Variants in RERE observed in about 807,000 individuals in gnomAD.
The protein encoded by RERE is arginine-glutamic acid dipeptide repeats.
A neutral mutation model predicts 146.1 loss-of-function variants in RERE; 40 were observed. The ratio of observed to expected loss-of-function variants is 0.27; its 90% CI spans 0.21 to 0.36. The LOEUF is 0.36. Ranked by LOEUF, RERE falls within the 10% of genes least tolerant of loss-of-function variation. RERE has a pLI of 1.00. For missense variants in RERE, 1,933 were observed against 2,138.7 expected, an observed-to-expected ratio of 0.90 and a Z score of 1.90; for synonymous variants, 1,003 against 866.0, an observed-to-expected ratio of 1.16 and a Z score of -2.78.
In RERE at chr1:8,731,710, G is replaced by A. The variant is rs984125530; in HGVS notation, c.-144-75269C>T. Among the ~76,000 whole-genome samples the A allele has an allele frequency of 3.3e-5, 5 of 152,254 alleles. No individual in the cohort carries two copies. The East Asian group carries it at 7.7e-4, about 23-fold the overall frequency. ...AAAAAACAAGAAAACTACAGGAAAC[G>A]GAAGCATCTAACCCACAGCAAACAT... is the stretch of plus-strand genomic sequence containing the variant. On this transcript the variant is annotated intron_variant, in intron 1 of 22. Coordinates refer to ENST00000400908, the MANE Select transcript of RERE (RefSeq NM_001042681.2).
chr1:8,756,568 A>C (rs1640642655), intron 1 of RERE, among the ~76,000 whole-genome samples: 1 of 152,218 alleles, frequency 6.6e-6, no homozygotes, highest in South Asian at 2.1e-4. Context: ...CATAAAAAAA[A>C]AGTTATTAAA....
At chr1:8,636,901 G>A (rs770457118) in intron 2 of RERE, among the ~76,000 whole-genome samples, 7 of 150,814 alleles carry the variant, frequency 4.6e-5, no homozygotes, top group Admixed American at 2.0e-4. Context: ...GAACCAAGCC[G>A]AGAATCCACA....
chr1:8,399,730 T>C (rs1477611708), intron 12 of RERE, among the ~76,000 whole-genome samples: 1 of 152,168 alleles, frequency 6.6e-6, no homozygotes, highest in Non-Finnish European at 1.5e-5. Flanking sequence ...ACTTTTTCCA[T>C]TAACATCGGC....
chr1:8,357,709 G>A (rs955224767), intron 20 of RERE, among the ~76,000 whole-genome samples: 10 of 152,244 alleles, frequency 6.6e-5, no homozygotes, highest in Non-Finnish European at 4.4e-5. Context: ...ACAGGACTGA[G>A]CAGCCCTGGC....
intron 1 of RERE, among the ~76,000 whole-genome samples, chr1:8,725,674 C>A (rs1186408732): frequency 1.3e-5 from 2 of 152,142 alleles, no homozygotes; most frequent in African/African-American, 4.8e-5. Context: ...AAGCCTAAGA[C>A]CCTAAGAAGC....
At chr1:8,553,657 C>A (rs1645967475) in intron 6 of RERE, among the ~76,000 whole-genome samples, 1 of 152,006 alleles carries the variant, frequency 6.6e-6, no homozygotes, top group Admixed American at 6.5e-5. Flanking sequence ...TTAAAGAAAA[C>A]ACCACAGGAG....
intron 8 of RERE, among the ~76,000 whole-genome samples, chr1:8,501,606 G>GA (rs1645158742): frequency 7.4e-6 from 1 of 135,964 alleles, no homozygotes; most frequent in Non-Finnish European, 1.6e-5. Context: ...GCCCCGTCCG[G>GA]GAGGGAGGTG....
chr1:8,758,414 CG>C (rs1640688729), intron 1 of RERE, among the ~76,000 whole-genome samples: 1 of 139,068 alleles, frequency 7.2e-6, no homozygotes, highest in East Asian at 2.1e-4. Context: ...TTTAAAGAAA[CG>C]GGGTTTCACT....
chr1:8,574,284 T>C (rs1646260625), intron 4 of RERE, among the ~76,000 whole-genome samples: 2 of 151,868 alleles, frequency 1.3e-5, no homozygotes. Context: ...TCACAGAACA[T>C]GTTCTGTATG....
chr1:8,484,783 A>T (rs529230166), intron 10 of RERE, among the ~76,000 whole-genome samples: 1 of 152,320 alleles, frequency 6.6e-6, no homozygotes, highest in South Asian at 2.1e-4. Context: ...AAAACATATC[A>T]TTGCTACATA....
rs535655674 is a variant in RERE at position 8,524,044 on chromosome 1, T to C, written c.831-15369A>G. On this transcript the variant is annotated intron_variant, in intron 7 of 22. Transcript: ENST00000400908. ...GTGCATGACAGAAAGTGGTGCAGTGTCCAGTTCCTCTCGTCTATTGAAGGG... is the reference window on the plus strand; with the variant it reads ...GTGCATGACAGAAAGTGGTGCAGTGCCCAGTTCCTCTCGTCTATTGAAGGG... Among the ~76,000 whole-genome samples the C allele has an allele frequency of 3.3e-5, 5 of 152,314 alleles. No homozygotes were observed. In the East Asian group the frequency reaches 5.8e-4, roughly 18 times the overall value.
Position 8,556,535 on chromosome 1 carries a change from A to G in RERE, c.665T>C (p.Ile222Thr), listed in dbSNP as rs1323204678. ...AGAAATGAAGAGCTCTCGGTTCTTG[A>G]TAACTGGGTCTGTAATGACAAGTTC... ...GRELVITDPV[I>T]KNRELFISDY... The change falls in exon 6 of 23, where the codon ATC (isoleucine) becomes ACC (threonine). Residue 222 changes from isoleucine to threonine, a missense_variant. Around this residue, in one of 11 missense-constraint regions of RERE, gnomAD observed 37 missense variants for 46.6 expected, o/e 0.79. Coordinates refer to ENST00000400908, the MANE Select transcript of RERE (RefSeq NM_001042681.2). 1 of 1,611,488 alleles carries G rather than the reference A, an allele frequency of 6.2e-7. No homozygotes were observed. The highest frequency in any genetic ancestry group is 8.5e-7 in the Non-Finnish European group (1 of 1,177,598).
chr1:8,753,879 A>C (rs2124520171), intron 1 of RERE: 1 of 152,306 alleles, frequency 6.6e-6, no homozygotes, highest in African/African-American at 2.4e-5. Flanking sequence ...ATAGGCTGGC[A>C]AATCTTTAAC....
At chr1:8,512,405 A>C (rs1312447530) in intron 7 of RERE, among the ~76,000 whole-genome samples, 1 of 150,798 alleles carries the variant, frequency 6.6e-6, no homozygotes, top group African/African-American at 2.5e-5. Flanking sequence ...AACATTTCTC[A>C]AACTTTTAGG....
In RERE at chr1:8,549,234, G is replaced by A. The variant is rs779092012; in HGVS notation, c.725+7241C>T. 9.2e-5 allele frequency among the ~76,000 whole-genome samples: 14 copies of A among 152,064 alleles called. No homozygotes were observed. In the East Asian group the frequency reaches 1.3e-3, roughly 15 times the overall value. On this transcript the variant is annotated intron_variant, in intron 6 of 22. Coordinates refer to ENST00000400908, the MANE Select transcript of RERE (RefSeq NM_001042681.2). ...TCCTCACAGAATGGCTAATTCCAGCGCTGGAAGTTAGAAAATAAAAAACGA... is the reference window on the plus strand; with the variant it reads ...TCCTCACAGAATGGCTAATTCCAGCACTGGAAGTTAGAAAATAAAAAACGA...
chr1:8,785,853 C>T (rs1291663730), intron 1 of RERE, among the ~76,000 whole-genome samples: 4 of 152,154 alleles, frequency 2.6e-5, no homozygotes, highest in African/African-American at 9.7e-5. Flanking sequence ...AATTCCTGAC[C>T]TCAAGTGATC....
Position 8,359,808 on chromosome 1 carries a change from G to GCTCCCGCTCCCGCTCCTT in RERE, c.3573_3574insAAGGAGCGGGAGCGGGAG (p.Glu1191_Arg1192insLysGluArgGluArgGlu), listed in dbSNP as rs1553154744. 2.5e-6 allele frequency: 4 copies of GCTCCCGCTCCCGCTCCTT among 1,604,562 alleles called. No individual in the cohort carries two copies. Among genetic ancestry groups the GCTCCCGCTCCCGCTCCTT allele is most frequent in the Non-Finnish European group, 3.4e-6 (4 of 1,179,056 alleles). On this transcript the variant is annotated inframe_insertion, in exon 19 of 23. Transcript: ENST00000400908. ...CGCTCCCGCTCTCGCTCCCGCTCCCGCTCCTTCTCCTTCTCCTTCTCCCGC... is the reference window on the plus strand; with the variant it reads ...CGCTCCCGCTCTCGCTCCCGCTCCCGCTCCCGCTCCCGCTCCTTCTCCTTCTCCTTCTCCTTCTCCCGC...
intron 1 of RERE, among the ~76,000 whole-genome samples, chr1:8,772,462 G>GA (rs1474972634): frequency 6.6e-6 from 1 of 152,038 alleles, no homozygotes; most frequent in Non-Finnish European, 1.5e-5. Flanking sequence ...ACTCAACAAG[G>GA]AAAATCAGTG....
In RERE at chr1:8,361,842, CTCT is replaced by C. The variant is rs763376652; in HGVS notation, c.1934_1936del (p.Lys645del). On this transcript the variant is annotated inframe_deletion, in exon 17 of 23. Coordinates refer to ENST00000400908, the MANE Select transcript of RERE (RefSeq NM_001042681.2). The stretch of plus-strand genomic sequence containing the variant: ...CACCTTCTCCCGCTGGCGTTTGTTA[CTCT>C]TAAGAGGGGAAGAGGCTTCCTCCTT... 42 of 1,614,082 alleles carry C rather than the reference CTCT, an allele frequency of 2.6e-5. No homozygotes were observed. The South Asian group carries it at 4.4e-4, about 17-fold the overall frequency.
Sources: gnomAD v4.1 joint callset for allele counts (sites outside exome capture counted in the v4.1 genomes callset) on GRCh38, gnomAD v4.1.1 for gene constraint, gnomAD v4.1.1 regional missense constraint, MANE v1.5 for transcripts, NCBI Gene and HGNC (gene_info 2026-07-23, HGNC 2026-07-21) for gene names.